The following SGCD variants were observed in gnomAD, a reference collection of about 807,000 sequenced individuals.
SGCD encodes sarcoglycan delta, also known as delta-sarcoglycan.
SGCD carries 18 observed loss-of-function variants against 36.6 expected under a neutral mutation model. That is an observed-to-expected ratio of 0.49 (90% CI 0.34 to 0.73). The LOEUF (loss-of-function observed/expected upper bound fraction) is 0.73, where lower values mean the gene tolerates loss of function less well. SGCD is among the 30% of genes least tolerant of loss of function. The probability of loss-of-function intolerance (pLI) is 0.01; values close to 1 mark genes in which losing one functional copy is unlikely to be tolerated. For synonymous variants in SGCD, 133 were observed against 130.6 expected (o/e 1.02, Z -0.12); for missense variants, 387 against 346.7 (o/e 1.12, Z -0.92).
the SGCD span, among the ~76,000 whole-genome samples, chr5:155,779,024 A>G: frequency 1.3e-5 from 2 of 152,184 alleles, no homozygotes; most frequent in Admixed American, 6.6e-5. Flanking sequence ...TTGTATTGCC[A>G]TCTCTGTTGG....
chr5:156,426,334 T>C (rs540060442), intron 3 of SGCD, among the ~76,000 whole-genome samples: 8 of 152,262 alleles, frequency 5.3e-5, no homozygotes, highest in African/African-American at 1.9e-4. Context: ...ATTAGTGATG[T>C]TGAGCATTTT....
At chr5:155,788,308 G>A in the SGCD span, among the ~76,000 whole-genome samples, 4 of 152,176 alleles carry the variant, frequency 2.6e-5, no homozygotes, top group African/African-American at 2.4e-5. Context: ...AGCTACTGAA[G>A]GATTTTAAAC....
At chr5:156,655,903 C>T (rs1008754515) in intron 7 of SGCD, among the ~76,000 whole-genome samples, 10 of 151,920 alleles carry the variant, frequency 6.6e-5, no homozygotes, top group African/African-American at 2.2e-4. Flanking sequence ...ATAGGCCATT[C>T]AGTTTTGCAT....
intron 4 of SGCD, among the ~76,000 whole-genome samples, chr5:156,544,312 C>T (rs17053613): frequency 0.17 from 26,488 of 152,128 alleles, 2,773 homozygotes; most frequent in East Asian, 0.3. Context: ...GTGGATCACT[C>T]AACCTACCTG....
At chr5:156,216,510 G>T (rs1764578072) in intron 3 of SGCD, among the ~76,000 whole-genome samples, 1 of 152,138 alleles carries the variant, frequency 6.6e-6, no homozygotes, top group Non-Finnish European at 1.5e-5. Context: ...GTAAGCATCT[G>T]TGTAAAGCAT....
Position 156,082,976 on chromosome 5 carries a change from G to A in SGCD, c.-281-34902G>A, listed in dbSNP as rs10075441. Among the ~76,000 whole-genome samples the A allele has an allele frequency of 2.2e-3, 329 of 151,902 alleles. 2 individuals are homozygous for A. Among genetic ancestry groups the A allele is most frequent in the African/African-American group, 7.3e-3 (302 of 41,420 alleles). ...TTAGCCATCCTGAAAGGTATGTAGT[G>A]GTATCTCATTGTAGTTTTAATTTGC... On this transcript the variant is annotated intron_variant, in intron 1 of 9. Coordinates refer to the SGCD transcript ENST00000517913.
chr5:155,857,573 A>G, the SGCD span, among the ~76,000 whole-genome samples: 2 of 152,234 alleles, frequency 1.3e-5, no homozygotes, highest in South Asian at 2.1e-4. Context: ...TTATTAAAAA[A>G]TAATTCTAGA....
intron 3 of SGCD, among the ~76,000 whole-genome samples, chr5:156,390,734 G>T (rs1317857936): frequency 6.7e-6 from 1 of 149,858 alleles, no homozygotes; most frequent in Non-Finnish European, 1.5e-5. Flanking sequence ...CTATCTCAGG[G>T]AAAAAAAAAG....
intron 1 of SGCD, among the ~76,000 whole-genome samples, chr5:156,098,416 A>G (rs554393723): frequency 1.8e-4 from 27 of 152,308 alleles, no homozygotes; most frequent in Middle Eastern, 3.4e-3. Flanking sequence ...GTTGATGCCT[A>G]TTTGCTTAGA....
the SGCD span, among the ~76,000 whole-genome samples, chr5:155,777,752 A>G: frequency 6.6e-6 from 1 of 151,964 alleles, no homozygotes; most frequent in Admixed American, 6.6e-5. Context: ...CTTCTTATAT[A>G]GATGGTGTTT....
intron 6 of SGCD, among the ~76,000 whole-genome samples, chr5:156,628,387 G>T (rs1762509409): frequency 6.6e-6 from 1 of 152,168 alleles, no homozygotes; most frequent in African/African-American, 2.4e-5. Context: ...GAAATACCTT[G>T]AGAATTTAAG....
At chr5:155,981,631 T>G (rs13163399) in intron 1 of SGCD, among the ~76,000 whole-genome samples, 43,766 of 151,970 alleles carry the variant, frequency 0.29, 6,357 homozygotes, top group South Asian at 0.37. Context: ...TTCTGCTGTG[T>G]TCAGCTTAGT....
intron 1 of SGCD, among the ~76,000 whole-genome samples, chr5:156,043,152 G>GT (rs1178763707): frequency 6.6e-6 from 1 of 152,130 alleles, no homozygotes; most frequent in Non-Finnish European, 1.5e-5. Context: ...TTCATGACCA[G>GT]TTTTTGCTGA....
At chr5:156,645,061 A>G (rs949532991) in intron 6 of SGCD, among the ~76,000 whole-genome samples, 1 of 152,036 alleles carries the variant, frequency 6.6e-6, no homozygotes, top group Non-Finnish European at 1.5e-5. Context: ...GATTGATTCT[A>G]TGGAATTAAG....
chr5:156,252,191 C>T (rs1198474973), intron 3 of SGCD, among the ~76,000 whole-genome samples: 1 of 152,012 alleles, frequency 6.6e-6, no homozygotes, highest in Non-Finnish European at 1.5e-5. Flanking sequence ...CCTCAGCCTC[C>T]CGAGTATTAA....
intron 7 of SGCD, among the ~76,000 whole-genome samples, chr5:156,749,514 G>C (rs1013601508): frequency 5.9e-5 from 9 of 151,812 alleles, no homozygotes; most frequent in African/African-American, 2.2e-4. Context: ...TACTGTTCAA[G>C]GCAAAAAGAA....
At chr5:156,549,559 C>T (rs889682113) in intron 4 of SGCD, among the ~76,000 whole-genome samples, 4 of 152,222 alleles carry the variant, frequency 2.6e-5, no homozygotes, top group African/African-American at 9.6e-5. Context: ...AGAAATAAAA[C>T]ATGCTGGGTA....
At chr5:156,479,536 T>C (rs1051293468) in intron 3 of SGCD, among the ~76,000 whole-genome samples, 3 of 152,194 alleles carry the variant, frequency 2.0e-5, no homozygotes, top group Non-Finnish European at 4.4e-5. Context: ...GCATTTGAGT[T>C]TGGGACCCCT....
At chr5:156,010,639 C>T (rs1180916918) in intron 1 of SGCD, among the ~76,000 whole-genome samples, 2 of 152,150 alleles carry the variant, frequency 1.3e-5, no homozygotes, top group Non-Finnish European at 2.9e-5. Context: ...AGTAATTCGA[C>T]AAACATCATG....
Sources: allele counts gnomAD v4.1 joint callset (sites outside exome capture counted in the v4.1 genomes callset), GRCh38; gene constraint gnomAD v4.1.1; transcripts MANE v1.5; gene names NCBI Gene and HGNC (gene_info 2026-07-23, HGNC 2026-07-21).